The following FUT8 variants were observed in gnomAD, a reference collection of about 807,000 sequenced individuals.
The protein encoded by FUT8 is fucosyltransferase 8, also known as alpha-(1,6)-fucosyltransferase.
FUT8 carries 29 observed loss-of-function variants against 71.3 expected under a neutral mutation model. That is an observed-to-expected ratio of 0.41 (90% CI 0.30 to 0.55). FUT8 has a LOEUF of 0.55. FUT8 is among the 20% of genes least tolerant of loss of function. FUT8 has a pLI of 0.34. For synonymous variants in FUT8, 254 were observed against 239.3 expected (o/e 1.06, Z -0.57); for missense variants, 544 against 702.1 (o/e 0.77, Z 2.55).
chr14:65,443,213 A>T (rs1361250444), intron 1 of FUT8, among the ~76,000 whole-genome samples: 1 of 151,596 alleles, frequency 6.6e-6, no homozygotes, highest in South Asian at 2.1e-4. Flanking sequence ...GATCAAGACC[A>T]TCCTGGCTAA....
intron 6 of FUT8, among the ~76,000 whole-genome samples, chr14:65,649,791 A>G (rs984816341): frequency 3.9e-5 from 6 of 152,334 alleles, no homozygotes; most frequent in African/African-American, 1.4e-4. Context: ...AAGTTGGTTT[A>G]CCATTTTTAA....
At chr14:65,576,852 T>TG (rs1886813923) in intron 3 of FUT8, among the ~76,000 whole-genome samples, 1 of 151,732 alleles carries the variant, frequency 6.6e-6, no homozygotes, top group African/African-American at 2.4e-5. Flanking sequence ...CCTGAGTAGC[T>TG]GGGATTATAG....
At chr14:65,500,897 A>G (rs951121506) in intron 2 of FUT8, among the ~76,000 whole-genome samples, 3 of 152,190 alleles carry the variant, frequency 2.0e-5, no homozygotes, top group African/African-American at 7.2e-5. Flanking sequence ...GTTTTATGCC[A>G]TGATATTTGT....
chr14:65,705,396 T>G lies in FUT8; in HGVS notation c.836-16379T>G, dbSNP rs190954512. On this transcript the variant is annotated intron_variant, in intron 7 of 10. Coordinates refer to ENST00000673929, the MANE Select transcript of FUT8 (RefSeq NM_001371533.1). ...TTGTTGAAATCCCAAAGAATAGACCTTACACATTTCTGTGTTCATTTTAAA... is the reference window on the plus strand; with the variant it reads ...TTGTTGAAATCCCAAAGAATAGACCGTACACATTTCTGTGTTCATTTTAAA... Among the ~76,000 whole-genome samples the G allele has an allele frequency of 2.5e-3, 385 of 152,342 alleles. 2 individuals are homozygous for G. Among genetic ancestry groups the G allele is most frequent in the African/African-American group, 8.8e-3 (365 of 41,580 alleles).
At chr14:65,613,037 T>C (rs909405337) in intron 3 of FUT8, among the ~76,000 whole-genome samples, 4 of 148,856 alleles carry the variant, frequency 2.7e-5, no homozygotes, top group African/African-American at 1.0e-4. Context: ...CCAGTAATTT[T>C]CTTTTCCAGT....
At chr14:65,707,642 T>G (rs1443310865) in intron 7 of FUT8, among the ~76,000 whole-genome samples, 1 of 152,154 alleles carries the variant, frequency 6.6e-6, no homozygotes, top group Non-Finnish European at 1.5e-5. Flanking sequence ...CTTATAACCA[T>G]TTTGAGTTGA....
At chr14:65,709,120 A>G (rs891476833) in intron 7 of FUT8, among the ~76,000 whole-genome samples, 2 of 152,350 alleles carry the variant, frequency 1.3e-5, no homozygotes, top group South Asian at 4.1e-4. Flanking sequence ...CCATAAAAAT[A>G]CATATACAAT....
rs531769869 is a variant in FUT8, at chr14:65,603,181, T to C, written c.204-12797T>C. 3.9e-5 allele frequency among the ~76,000 whole-genome samples: 6 copies of C among 152,114 alleles called. No homozygotes were observed. The South Asian group carries it at 1.3e-3, about 32-fold the overall frequency. ...GTGTAAGGTGAGAGATGAGGTTTTA[T>C]TCTGCTACATGTGGCTTGCCAGTTA... On this transcript the variant is annotated intron_variant, in intron 3 of 10. Transcript: ENST00000673929. This position sits in a 1 kb window ranked among gnomAD's most constrained non-coding sequence, Gnocchi z 4.5.
chr14:65,382,933 C>G, the FUT8 span, among the ~76,000 whole-genome samples: 1 of 151,898 alleles, frequency 6.6e-6, no homozygotes, highest in African/African-American at 2.4e-5. Context: ...CTAAGAACTT[C>G]TTCTGTGTTA....
At chr14:65,587,432 C>T (rs929191538) in intron 3 of FUT8, among the ~76,000 whole-genome samples, 1 of 152,112 alleles carries the variant, frequency 6.6e-6, no homozygotes, top group African/African-American at 2.4e-5. Flanking sequence ...CTGCGTTACA[C>T]AAGTGATAAT....
chr14:65,587,475 C>G (rs1887454774), intron 3 of FUT8, among the ~76,000 whole-genome samples: 1 of 152,122 alleles, frequency 6.6e-6, no homozygotes, highest in Non-Finnish European at 1.5e-5. Context: ...AGAGCAGTGC[C>G]ATATGTAGCC....
rs541431576 is a variant in FUT8 at position 65,429,126 on chromosome 14, G to A, written c.-326+15912G>A. Reference sequence around the variant, plus strand: ...CTGGTGTCAGGTATATGCTAAAAGAGTAATGTTCATTTTCAGTATAGTATA... The same window carrying A: ...CTGGTGTCAGGTATATGCTAAAAGAATAATGTTCATTTTCAGTATAGTATA... On this transcript the variant is annotated intron_variant, in intron 1 of 10. Transcript: ENST00000673929. 3.9e-5 allele frequency among the ~76,000 whole-genome samples: 6 copies of A among 152,280 alleles called. No individual in the cohort carries two copies. The East Asian group carries it at 1.2e-3, about 29-fold the overall frequency.
At chr14:65,454,694 A>AGAAACACACATGAT (rs1790723474) in intron 1 of FUT8, among the ~76,000 whole-genome samples, 1 of 152,228 alleles carries the variant, frequency 6.6e-6, no homozygotes, top group South Asian at 2.1e-4. Flanking sequence ...AGCAAGTGGC[A>AGAAACACACATGAT]GAAACACACA....
At chr14:65,690,799 A>G (rs1198990101) in intron 7 of FUT8, among the ~76,000 whole-genome samples, 1 of 151,018 alleles carries the variant, frequency 6.6e-6, no homozygotes, top group Non-Finnish European at 1.5e-5. Flanking sequence ...ATCTTGGCTC[A>G]CTGCAACCTC....
chr14:65,366,869 T>A, the FUT8 span, among the ~76,000 whole-genome samples: 1 of 152,122 alleles, frequency 6.6e-6, no homozygotes, highest in Non-Finnish European at 1.5e-5. Flanking sequence ...CACACCATGG[T>A]TCTGAAGAGG....
At chr14:65,410,203 A>G (rs998328461), upstream of FUT8, among the ~76,000 whole-genome samples, 2 of 152,214 alleles carry the variant, frequency 1.3e-5, no homozygotes, top group African/African-American at 4.8e-5. Flanking sequence ...GTATTTTTTA[A>G]AAGCTGGGAC....
Position 65,716,073 on chromosome 14 carries a change from A to G in FUT8, c.836-5702A>G, listed in dbSNP as rs571380985. On this transcript the variant is annotated intron_variant, in intron 7 of 10. Transcript: ENST00000673929. ...ATGGTCTGTCCTTGTAATACTATCC[A>G]TGTGCTGAGGAGAAGAATGTGTATT... Among the ~76,000 whole-genome samples the G allele has an allele frequency of 1.3e-4, 20 of 152,240 alleles. No homozygotes were observed. In the South Asian group the frequency reaches 3.9e-3, roughly 30 times the overall value.
intron 7 of FUT8, among the ~76,000 whole-genome samples, chr14:65,677,143 T>C (rs1175608434): frequency 6.3e-5 from 7 of 111,254 alleles, no homozygotes; most frequent in Non-Finnish European, 1.4e-4. Flanking sequence ...TGTGTGTGTG[T>C]GTGTGTGTGC....
At chr14:65,624,529 G>A (rs903946493) in intron 5 of FUT8, among the ~76,000 whole-genome samples, 3 of 152,124 alleles carry the variant, frequency 2.0e-5, no homozygotes, top group Non-Finnish European at 4.4e-5. Context: ...ATATTTCAAG[G>A]CACTCTTCTC....
Sources: gnomAD v4.1 joint callset for allele counts (sites outside exome capture counted in the v4.1 genomes callset) on GRCh38, gnomAD v4.1.1 for gene constraint, Gnocchi (gnomAD v3.1) non-coding constraint, MANE v1.5 for transcripts, NCBI Gene and HGNC (gene_info 2026-07-23, HGNC 2026-07-21) for gene names.